Variants in ARB2A observed in about 807,000 individuals in gnomAD.
ARB2A encodes the protein ARB2 cotranscriptional regulator A, also known as cotranscriptional regulator ARB2A.
the ARB2A span, among the ~76,000 whole-genome samples, chr5:94,094,676 A>G: frequency 3.9e-5 from 6 of 152,308 alleles, no homozygotes; most frequent in East Asian, 1.2e-3. Flanking sequence ...CCCAAATTAG[A>G]GAAAGAAAGA....
the ARB2A span, among the ~76,000 whole-genome samples, chr5:94,002,400 T>C: frequency 3.3e-5 from 5 of 152,030 alleles, no homozygotes; most frequent in South Asian, 1.0e-3. Flanking sequence ...TTTTAACTCT[T>C]ACACTTGTCT....
chr5:94,086,246 A>AAAC, the ARB2A span, among the ~76,000 whole-genome samples: 4 of 152,232 alleles, frequency 2.6e-5, no homozygotes, highest in Admixed American at 2.6e-4. Flanking sequence ...TATGTTCTTT[A>AAAC]AATAAGTGAC....
chr5:93,988,516 A>G, the ARB2A span, among the ~76,000 whole-genome samples: 3 of 152,108 alleles, frequency 2.0e-5, no homozygotes, highest in Non-Finnish European at 2.9e-5. Flanking sequence ...CTGGCCCCCA[A>G]TCTATCCTCA....
the ARB2A span, among the ~76,000 whole-genome samples, chr5:93,661,436 G>A: frequency 6.6e-6 from 1 of 152,002 alleles, no homozygotes; most frequent in African/African-American, 2.4e-5. Flanking sequence ...CCTGTTTCAG[G>A]GACAGGAGTA....
At chr5:93,769,641 G>T in the ARB2A span, among the ~76,000 whole-genome samples, 1 of 152,154 alleles carries the variant, frequency 6.6e-6, no homozygotes, top group Non-Finnish European at 1.5e-5. Flanking sequence ...GTTGATGCCA[G>T]CTTCTAAAGG....
the ARB2A span, among the ~76,000 whole-genome samples, chr5:93,811,046 T>C: frequency 6.6e-6 from 1 of 152,100 alleles, no homozygotes; most frequent in Non-Finnish European, 1.5e-5. Flanking sequence ...CTATTCTACA[T>C]AGCTATTACT....
the ARB2A span, among the ~76,000 whole-genome samples, chr5:93,728,452 G>A: frequency 6.6e-6 from 1 of 152,146 alleles, no homozygotes; most frequent in East Asian, 1.9e-4. Context: ...TTAAGAGATT[G>A]TCTTGTGTCT....
At chr5:94,066,426 A>G in the ARB2A span, among the ~76,000 whole-genome samples, 8 of 99,916 alleles carry the variant, frequency 8.0e-5, no homozygotes, top group East Asian at 2.3e-4. Flanking sequence ...GACTAAGCAC[A>G]CACACACACA....
At chr5:93,698,516 G>A in the ARB2A span, among the ~76,000 whole-genome samples, 2 of 152,080 alleles carry the variant, frequency 1.3e-5, no homozygotes, top group Admixed American at 6.6e-5. Context: ...AGGAAACACC[G>A]AGAAGGTGAT....
At chr5:93,769,137 T>C in the ARB2A span, among the ~76,000 whole-genome samples, 3 of 152,104 alleles carry the variant, frequency 2.0e-5, no homozygotes, top group South Asian at 6.2e-4. Context: ...GCAAATCTAG[T>C]TATAAAGGAA....
the ARB2A span, among the ~76,000 whole-genome samples, chr5:93,893,081 T>C: frequency 6.6e-6 from 1 of 152,180 alleles, no homozygotes; most frequent in African/African-American, 2.4e-5. Context: ...ATGGTTCTTT[T>C]TATCACCACC....
the ARB2A span, among the ~76,000 whole-genome samples, chr5:93,747,723 C>A: frequency 6.6e-6 from 1 of 152,112 alleles, no homozygotes; most frequent in Non-Finnish European, 1.5e-5. Context: ...AAGCTCCCAG[C>A]AGCCTGCTCA....
chr5:93,782,633 T>C, the ARB2A span, among the ~76,000 whole-genome samples: 1 of 152,188 alleles, frequency 6.6e-6, no homozygotes. Flanking sequence ...ACAACAGCTA[T>C]AACTTACCGA....
At chr5:94,050,865 C>T in the ARB2A span, 9 of 1,368,840 alleles carry the variant, frequency 6.6e-6, no homozygotes, top group East Asian at 2.3e-5. Flanking sequence ...TGCTATACTT[C>T]AAAGTATATT....
At chr5:93,986,447 G>A in the ARB2A span, among the ~76,000 whole-genome samples, 6 of 148,598 alleles carry the variant, frequency 4.0e-5, no homozygotes, top group African/African-American at 7.5e-5. Flanking sequence ...GGGTGGGGGG[G>A]CCCCTCTGCC....
chr5:93,968,118 C>A, the ARB2A span, among the ~76,000 whole-genome samples: 1 of 152,142 alleles, frequency 6.6e-6, no homozygotes, highest in Non-Finnish European at 1.5e-5. Context: ...CTATTTACTT[C>A]AGTTCCTTTT....
chr5:93,720,922 T>C, the ARB2A span, among the ~76,000 whole-genome samples: 1 of 152,188 alleles, frequency 6.6e-6, no homozygotes. Context: ...GGTAGGTGTA[T>C]ACCCACCTTC....
chr5:93,967,015 TAA>T, the ARB2A span, among the ~76,000 whole-genome samples: 1 of 140,326 alleles, frequency 7.1e-6, no homozygotes, highest in Non-Finnish European at 1.6e-5. Flanking sequence ...GTTCAAGATT[TAA>T]AAAAAAAAAA....
the ARB2A span, among the ~76,000 whole-genome samples, chr5:93,827,904 C>T: frequency 2.0e-5 from 3 of 152,074 alleles, no homozygotes; most frequent in Admixed American, 6.6e-5. Context: ...ATCAGATAGT[C>T]GTAGGCATGC....
Sources: gnomAD v4.1 joint callset for allele counts (sites outside exome capture counted in the v4.1 genomes callset) on GRCh38, gnomAD v4.1.1 for gene constraint, MANE v1.5 for transcripts, NCBI Gene and HGNC (gene_info 2026-07-23, HGNC 2026-07-21) for gene names.